Variants in COL22A1 observed in about 807,000 individuals in gnomAD.
COL22A1 encodes the protein collagen type XXII alpha 1 chain, also known as collagen alpha-1(XXII) chain.
In COL22A1, 221 loss-of-function variants were observed where a neutral mutation model predicts 248.9. That is an observed-to-expected ratio of 0.89 (90% confidence interval 0.80 to 0.99). The LOEUF is 0.99. Among genes scored for constraint, COL22A1 ranks in the 50% least tolerant of loss-of-function variants. The pLI is 0.00. For missense variants in COL22A1, 2,240 were observed against 2,179.0 expected (o/e 1.03, Z -0.56); for synonymous variants, 891 against 793.4 (o/e 1.12, Z -2.07).
chr8:138,877,895 G>T lies in COL22A1; in HGVS notation c.513C>A (p.Arg171=). The T allele has an allele frequency of 6.2e-7, 1 of 1,611,722 alleles. No homozygotes were observed. Among genetic ancestry groups the T allele is most frequent in the Non-Finnish European group, 8.5e-7 (1 of 1,179,184 alleles). The change falls in exon 3 of 65, where the codon CGC becomes CGA. Residue 171 remains arginine (R), a synonymous_variant. Transcript: ENST00000303045. Reference sequence around the variant, plus strand: ...CCTCGCCCACGCCCACGGCAAAGATGCGGATGCCAGCGCGGTGGGCTGCCG... The same window carrying T: ...CCTCGCCCACGCCCACGGCAAAGATTCGGATGCCAGCGCGGTGGGCTGCCG... ...AAAAAHRAGI[R]IFAVGVGEAL... is the part of the protein sequence containing the mutation.
chr8:138,779,466 C>G (rs1193387459), intron 14 of COL22A1, 43 bp downstream of exon 14: 6 of 1,478,124 alleles, frequency 4.1e-6, no homozygotes, highest in African/African-American at 2.8e-5. Flanking sequence ...TGGGCCTTGT[C>G]CCCTGGGAGC....
At chr8:138,750,250 A>C (rs1879043) in intron 22 of COL22A1, among the ~76,000 whole-genome samples, 4,203 of 152,294 alleles carry the variant, frequency 0.028, 218 homozygotes, top group East Asian at 0.22. Flanking sequence ...GCGTGAGAAC[A>C]GACTAATACA....
rs555593039 is a variant in COL22A1, at chr8:138,881,844, G to A, written c.91+1238C>T. ...ACCCCAGTGTGCAGGCTCTATGCCG[G>A]GGTTGTGGACCCTGACCCCTCCTTC... On this transcript the variant is annotated intron_variant, in intron 2 of 64. Transcript: ENST00000303045. Among the ~76,000 whole-genome samples, 5 of 152,258 alleles carry A rather than the reference G, an allele frequency of 3.3e-5. No individual in the cohort carries two copies. In the South Asian group the frequency reaches 6.2e-4, roughly 19 times the overall value.
Position 138,610,139 on chromosome 8 carries a change from T to C in COL22A1, c.3979-2150A>G, listed in dbSNP as rs548313730. Among the ~76,000 whole-genome samples the C allele has an allele frequency of 2.4e-4, 36 of 152,314 alleles. No individual in the cohort carries two copies. The East Asian group carries it at 6.2e-3, about 26-fold the overall frequency. On this transcript the variant is annotated intron_variant, in intron 56 of 64. Coordinates refer to ENST00000303045, the MANE Select transcript of COL22A1 (RefSeq NM_152888.3). ...GACTTGCAGTGTGATCTTGGGCAAG[T>C]TACTAGACTTCTCTGTGCTTCCATT...
intron 50 of COL22A1, among the ~76,000 whole-genome samples, chr8:138,627,454 A>G (rs1820336166): frequency 1.3e-5 from 2 of 152,236 alleles, no homozygotes; most frequent in African/African-American, 4.8e-5. Flanking sequence ...CAAGTACTAT[A>G]TTAGACCATT....
chr8:138,802,115 C>T (rs777589218), intron 11 of COL22A1, among the ~76,000 whole-genome samples: 4 of 152,060 alleles, frequency 2.6e-5, no homozygotes, highest in Middle Eastern at 3.4e-3. Context: ...CTACTGAATA[C>T]GTTATTTTAT....
intron 30 of COL22A1, among the ~76,000 whole-genome samples, chr8:138,710,610 T>TATATATAG (rs1554597176): frequency 6.6e-6 from 1 of 150,492 alleles, no homozygotes; most frequent in East Asian, 1.9e-4. Flanking sequence ...TATCTATCTA[T>TATATATAG]ATATATATAT....
intron 1 of COL22A1, among the ~76,000 whole-genome samples, chr8:138,904,362 C>T (rs1200202153): frequency 6.6e-6 from 1 of 152,048 alleles, no homozygotes; most frequent in African/African-American, 2.4e-5. Context: ...TTACCACCCG[C>T]CACCCCCTGC....
chr8:138,859,273 G>A (rs1822269720), intron 3 of COL22A1, among the ~76,000 whole-genome samples: 1 of 152,208 alleles, frequency 6.6e-6, no homozygotes, highest in African/African-American at 2.4e-5. Flanking sequence ...ACAGGAACAG[G>A]AGCATGGAGC....
At chr8:138,724,576 A>G (rs1158158902) in intron 25 of COL22A1, 39 bp downstream of exon 25, 1 of 1,596,804 alleles carries the variant, frequency 6.3e-7, no homozygotes. Context: ...CAATGGGGAG[A>G]GGGAGGAGGG....
chr8:138,658,879 T>G (rs1243422402), intron 44 of COL22A1, among the ~76,000 whole-genome samples: 5 of 152,052 alleles, frequency 3.3e-5, no homozygotes, highest in Non-Finnish European at 1.5e-5. Context: ...TTCTCTCTTC[T>G]CTCTTCTCTC....
At chr8:138,716,766 T>C (rs992347740) in intron 28 of COL22A1, 59 bp downstream of exon 28, 1 of 1,205,682 alleles carries the variant, frequency 8.3e-7, no homozygotes, top group African/African-American at 1.5e-5. Flanking sequence ...ATACAAGATG[T>C]AGCGTATAAC....
chr8:138,901,119 C>T (rs1182434624), intron 1 of COL22A1, among the ~76,000 whole-genome samples: 6 of 151,072 alleles, frequency 4.0e-5, no homozygotes, highest in South Asian at 4.2e-4. Flanking sequence ...TACTTCACAG[C>T]TAGCATGTTC....
intron 1 of COL22A1, among the ~76,000 whole-genome samples, chr8:138,898,355 G>T (rs897688536): frequency 6.6e-6 from 1 of 151,928 alleles, no homozygotes; most frequent in East Asian, 2.0e-4. Flanking sequence ...TAGCAAACAC[G>T]AAAATGAAAT....
At chr8:138,656,315 T>C (rs13268481) in intron 44 of COL22A1, among the ~76,000 whole-genome samples, 89,041 of 152,120 alleles carry the variant, frequency 0.59, 30,683 homozygotes, top group Middle Eastern at 0.79. Context: ...CAATCTGGAT[T>C]GTCATGGATA....
At chr8:138,693,790 C>T in intron 34 of COL22A1, 91 bp from the exon 35 acceptor site, 1 of 1,338,378 alleles carries the variant, frequency 7.5e-7, no homozygotes, top group South Asian at 1.3e-5. Flanking sequence ...ATACCGTGCT[C>T]ATCAGAAGCA....
intron 50 of COL22A1, among the ~76,000 whole-genome samples, chr8:138,628,505 C>A (rs1820435991): frequency 6.6e-6 from 1 of 152,122 alleles, no homozygotes; most frequent in Admixed American, 6.5e-5. Flanking sequence ...CACTGCACTC[C>A]AGCCTCCGCA....
intron 35 of COL22A1, among the ~76,000 whole-genome samples, chr8:138,692,800 C>T (rs1026919166): frequency 2.0e-5 from 3 of 152,184 alleles, no homozygotes; most frequent in African/African-American, 7.2e-5. Context: ...TGAGCTGGAA[C>T]CAGGGCTCTC....
rs774444364 is a variant in COL22A1, at chr8:138,589,259, A to G, written c.4875T>C (p.Gly1625=). The part of the protein sequence containing the change: ...SLAARPGNVK[G]P ...TCTGGCTTTCCAGAGTCCTTTAGGG[A>G]CCCTTCACATTACCCGGCCGGGCAG... is the stretch of plus-strand genomic sequence containing the variant. The change falls in exon 65 of 65, where the codon GGT becomes GGC. Residue 1625 remains glycine (G), a synonymous_variant. Transcript: ENST00000303045. 55 of 1,613,248 alleles carry G rather than the reference A, an allele frequency of 3.4e-5. No homozygotes were observed. The African/African-American group carries it at 6.3e-4, about 18-fold the overall frequency.
Sources: allele counts gnomAD v4.1 joint callset (sites outside exome capture counted in the v4.1 genomes callset), GRCh38; gene constraint gnomAD v4.1.1; transcripts MANE v1.5; gene names NCBI Gene and HGNC (gene_info 2026-07-23, HGNC 2026-07-21).